Variants in NUMB observed in about 807,000 individuals in gnomAD.
NUMB encodes the protein NUMB endocytic adaptor protein, also known as protein numb homolog.
Under a neutral mutation model 59.7 loss-of-function variants are expected in NUMB, and 29 were observed. The observed-to-expected ratio is 0.49, with a 90% confidence interval of 0.36 to 0.66. NUMB has a LOEUF of 0.66. Ranked by LOEUF, NUMB falls within the 30% of genes least tolerant of loss-of-function variation. The probability of loss-of-function intolerance (pLI) is 0.00; values close to 1 mark genes in which losing one functional copy is unlikely to be tolerated. For synonymous variants in NUMB, 288 were observed against 288.2 expected, an observed-to-expected ratio of 1.00 and a Z score of 0.01; for missense variants, 723 against 822.0, an observed-to-expected ratio of 0.88 and a Z score of 1.47.
intron 1 of NUMB, among the ~76,000 whole-genome samples, chr14:73,423,855 A>T (rs1897462141): frequency 6.7e-6 from 1 of 149,220 alleles, no homozygotes; most frequent in Non-Finnish European, 1.5e-5. Context: ...AATTCCAGCT[A>T]CTTGGGAGGG....
intron 4 of NUMB, among the ~76,000 whole-genome samples, chr14:73,353,072 G>GTTTTTGTTTTT (rs71450219): frequency 1.7e-5 from 1 of 58,514 alleles, no homozygotes; most frequent in Admixed American, 2.7e-4. Context: ...AGTTTTTCTT[G>GTTTTTGTTTTT]TTTTTTTTTT....
intron 12 of NUMB, among the ~76,000 whole-genome samples, chr14:73,278,387 G>A (rs1482482136): frequency 2.0e-5 from 3 of 151,736 alleles, no homozygotes; most frequent in Admixed American, 2.0e-4. Flanking sequence ...GGGCATGGTG[G>A]CATGCACCTG....
At chr14:73,397,191 G>C (rs775028320) in intron 2 of NUMB, among the ~76,000 whole-genome samples, 2 of 152,060 alleles carry the variant, frequency 1.3e-5, no homozygotes, top group Admixed American at 6.6e-5. Context: ...CCAGGTTTCC[G>C]ATTCAGTAGG....
intron 2 of NUMB, among the ~76,000 whole-genome samples, chr14:73,408,889 A>AAAAAG (rs1555379814): frequency 1.6e-4 from 23 of 145,212 alleles, no homozygotes; most frequent in African/African-American, 5.8e-4. Flanking sequence ...AAAAAAAAAA[A>AAAAAG]AAAGAAAGAA....
chr14:73,328,897 C>G (rs1399358446), intron 4 of NUMB, among the ~76,000 whole-genome samples: 1 of 152,144 alleles, frequency 6.6e-6, no homozygotes, highest in Non-Finnish European at 1.5e-5. Flanking sequence ...GACGGAGTCT[C>G]GTTCTGTCGC....
Position 73,395,037 on chromosome 14 carries a change from T to TTATGTGTGTGTGTGTGTGTGTGTGTG in NUMB, c.-101+14899_-101+14900insCACACACACACACACACACACACATA, listed in dbSNP as rs1230785169. Among the ~76,000 whole-genome samples, 10 of 119,922 alleles carry TTATGTGTGTGTGTGTGTGTGTGTGTG rather than the reference T, an allele frequency of 8.3e-5. 1 individual carries two copies. In the East Asian group the frequency reaches 1.3e-3, roughly 16 times the overall value. 78.7% of individuals were successfully genotyped at this position (119,922 alleles called of 152,430 possible). A position where few individuals can be genotyped will look rare whatever the true frequency, so the allele number is the denominator to read the frequency against. ...TTAAGGTTGAATAGTATTCGTGTGT[T>TTATGTGTGTGTGTGTGTGTGTGTGTG]TGTGTGTGTGTGTGTGTGTGTGTGT... is the stretch of plus-strand genomic sequence containing the variant. On this transcript the variant is annotated intron_variant, in intron 2 of 12. Coordinates refer to ENST00000555238, the MANE Select transcript of NUMB (RefSeq NM_001005743.2).
intron 1 of NUMB, chr14:73,457,723 T>A (rs1381728216): frequency 6.6e-6 from 1 of 152,342 alleles, no homozygotes; most frequent in African/African-American, 2.4e-5. Context: ...GGGTCTCCCA[T>A]CCCAGCTCAG....
At chr14:73,443,630 A>G (rs1883243870) in intron 1 of NUMB, among the ~76,000 whole-genome samples, 1 of 150,406 alleles carries the variant, frequency 6.6e-6, no homozygotes, top group Non-Finnish European at 1.5e-5. Context: ...AAACAGGCTG[A>G]GAGGATTGAT....
intron 2 of NUMB, among the ~76,000 whole-genome samples, chr14:73,382,400 G>C (rs1039098834): frequency 4.0e-5 from 6 of 151,174 alleles, no homozygotes; most frequent in African/African-American, 1.5e-4. Flanking sequence ...ACCTGCCTCA[G>C]CCTCCCAAAG....
In NUMB at chr14:73,442,436, T is replaced by A. The variant is rs533263907; in HGVS notation, c.-233+16057A>T. Among the ~76,000 whole-genome samples, 3 of 152,246 alleles carry A rather than the reference T, an allele frequency of 2.0e-5. No individual in the cohort carries two copies. In the East Asian group the frequency reaches 5.8e-4, roughly 29 times the overall value. ...AAAGGAAAAAAGAAATGAAAACACA[T>A]GTCCACACAAAAACTTTTATGTGAA... On this transcript the variant is annotated intron_variant, in intron 1 of 12. Coordinates refer to ENST00000555238, the MANE Select transcript of NUMB (RefSeq NM_001005743.2).
intron 1 of NUMB, among the ~76,000 whole-genome samples, chr14:73,417,130 CATCCTGCT>C (rs1897161101): frequency 6.6e-6 from 1 of 151,954 alleles, no homozygotes; most frequent in African/African-American, 2.4e-5. Flanking sequence ...GCTTCCCCAT[CATCCTGCT>C]GAGAGCCACT....
At chr14:73,390,909 A>T (rs762646232) in intron 2 of NUMB, among the ~76,000 whole-genome samples, 22 of 151,896 alleles carry the variant, frequency 1.4e-4, no homozygotes, top group Admixed American at 1.2e-3. Context: ...TTGGCCTCCC[A>T]AAGTGCTGGG....
intron 1 of NUMB, among the ~76,000 whole-genome samples, chr14:73,438,213 A>G (rs1898137617): frequency 6.6e-6 from 1 of 152,248 alleles, no homozygotes; most frequent in Admixed American, 6.5e-5. Context: ...ACTGAAAGTC[A>G]TATTTAGCAA....
chr14:73,426,156 T>C (rs778718398), intron 1 of NUMB, among the ~76,000 whole-genome samples: 32 of 152,106 alleles, frequency 2.1e-4, no homozygotes, highest in Non-Finnish European at 4.0e-4. Context: ...AAGGCAAGAT[T>C]TGAAATCTTG....
intron 2 of NUMB, among the ~76,000 whole-genome samples, chr14:73,381,675 C>T (rs1895252100): frequency 6.6e-6 from 1 of 152,192 alleles, no homozygotes; most frequent in South Asian, 2.1e-4. Flanking sequence ...TAAATAAAGG[C>T]ACCTTTCCTC....
At chr14:73,380,704 T>A in intron 2 of NUMB, among the ~76,000 whole-genome samples, 1 of 151,372 alleles carries the variant, frequency 6.6e-6, no homozygotes, top group East Asian at 1.9e-4. Context: ...CCACCACTGA[T>A]TGGGCACATT....
At chr14:73,414,767 T>G (rs1897052307) in intron 1 of NUMB, among the ~76,000 whole-genome samples, 1 of 152,172 alleles carries the variant, frequency 6.6e-6, no homozygotes, top group African/African-American at 2.4e-5. Context: ...TTGCCCAGGC[T>G]GGAGTGCAGT....
At chr14:73,403,175 A>G (rs770913553) in intron 2 of NUMB, among the ~76,000 whole-genome samples, 1 of 152,230 alleles carries the variant, frequency 6.6e-6, no homozygotes, top group African/African-American at 2.4e-5. Flanking sequence ...CCTTGAATGT[A>G]GGTGGAAGGC....
At chr14:73,316,500 T>C (rs1891092647) in intron 5 of NUMB, 78 bp from the exon 6 acceptor site, 1 of 1,373,836 alleles carries the variant, frequency 7.3e-7, no homozygotes. Flanking sequence ...AATAAGCACA[T>C]ACAGAAATTG....
Sources: gnomAD v4.1 joint callset for allele counts (sites outside exome capture counted in the v4.1 genomes callset) on GRCh38, gnomAD v4.1.1 for gene constraint, MANE v1.5 for transcripts, NCBI Gene and HGNC (gene_info 2026-07-23, HGNC 2026-07-21) for gene names.